CREB1: variants seen among roughly 807,000 people sequenced by gnomAD.
CREB1 encodes the protein cyclic AMP-responsive element-binding protein 1.
CREB1 carries 2 observed loss-of-function variants against 42.0 expected under a neutral mutation model. The observed-to-expected ratio is 0.05, with a 90% CI of 0.02 to 0.15. CREB1 has a LOEUF of 0.15. CREB1 is among the 10% of genes least tolerant of loss of function. The pLI is 1.00. For missense variants in CREB1, 199 were observed against 388.9 expected (o/e 0.51, Z 4.11); for synonymous variants, 123 against 139.9 (o/e 0.88, Z 0.85).
intron 7 of CREB1, among the ~76,000 whole-genome samples, chr2:207,590,311 TC>T (rs765839752): frequency 2.1e-4 from 32 of 151,944 alleles, no homozygotes; most frequent in Non-Finnish European, 4.7e-4. Flanking sequence ...TTTTTGTCTT[TC>T]CTCTCTCTCT....
chr2:207,540,492 T>C (rs905291591), intron 1 of CREB1, among the ~76,000 whole-genome samples: 7 of 151,410 alleles, frequency 4.6e-5, no homozygotes, highest in Non-Finnish European at 1.0e-4. Context: ...ATACAAAAAT[T>C]AATTAACTGG....
At position 207,599,437 on chromosome 2, in the gene CREB1, C is replaced by A. The variant is rs755833552; in HGVS notation, c.*2379C>A. On this transcript the variant is annotated 3_prime_UTR_variant, in exon 8 of 8. Coordinates refer to ENST00000353267, the MANE Select transcript of CREB1 (RefSeq NM_004379.5). Reference sequence around the variant, plus strand: ...TAAAGCTTTTTTTCAAAAGTTCAGGCTTTCTACTTACTGGGAAGTTGGTGG... The same window carrying A: ...TAAAGCTTTTTTTCAAAAGTTCAGGATTTCTACTTACTGGGAAGTTGGTGG... The A allele has an allele frequency of 1.3e-4, 25 of 198,848 alleles. No individual in the cohort carries two copies. The highest frequency in any genetic ancestry group is 2.4e-4 in the Non-Finnish European group (23 of 96,386). 12.3% of individuals were successfully genotyped at this position (198,848 alleles called of 1,614,324 possible).
intron 1 of CREB1, among the ~76,000 whole-genome samples, chr2:207,542,631 C>A (rs907659136): frequency 2.0e-5 from 3 of 152,210 alleles, no homozygotes; most frequent in South Asian, 4.1e-4. Flanking sequence ...GATGGTGTCT[C>A]TTGAAGCACA....
At chr2:207,534,393 C>T (rs1333190311) in intron 1 of CREB1, among the ~76,000 whole-genome samples, 4 of 152,166 alleles carry the variant, frequency 2.6e-5, no homozygotes, top group African/African-American at 9.7e-5. Context: ...TGCACCACCA[C>T]GCCCGGCTAA....
chr2:207,538,945 C>T (rs1244729264), intron 1 of CREB1, among the ~76,000 whole-genome samples: 1 of 151,984 alleles, frequency 6.6e-6, no homozygotes, highest in Non-Finnish European at 1.5e-5. Flanking sequence ...GCTGTTATCC[C>T]TGTTGGTATA....
chr2:207,570,367 G>A, intron 5 of CREB1, 46 bp downstream of exon 5: 2 of 1,522,486 alleles, frequency 1.3e-6, no homozygotes, highest in Non-Finnish European at 1.8e-6. Context: ...AGAAAAAAGT[G>A]AGGAGAAAAA....
chr2:207,533,711 T>G lies in CREB1; in HGVS notation c.-9+3577T>G, dbSNP rs1390598143. On this transcript the variant is annotated intron_variant, in intron 1 of 7. Coordinates refer to ENST00000353267, the MANE Select transcript of CREB1 (RefSeq NM_004379.5). ...CAAGATGGAAAAATGCAGGATTTTT[T>G]TTTTTCTTACCCATGTGTAAACTCA... Among the ~76,000 whole-genome samples the G allele has an allele frequency of 2.0e-5, 3 of 152,168 alleles. No homozygotes were observed. In the East Asian group the frequency reaches 5.8e-4, roughly 29 times the overall value.
intron 1 of CREB1, among the ~76,000 whole-genome samples, chr2:207,541,964 T>C (rs1227784181): frequency 6.6e-6 from 1 of 152,228 alleles, no homozygotes; most frequent in African/African-American, 2.4e-5. Flanking sequence ...ATGTCCATTG[T>C]GATGAGCTGC....
intron 3 of CREB1, among the ~76,000 whole-genome samples, chr2:207,566,781 A>G (rs2082157131): frequency 6.6e-6 from 1 of 152,216 alleles, no homozygotes; most frequent in Admixed American, 6.5e-5. Flanking sequence ...TAAATGCATT[A>G]GCATAACACC....
intron 7 of CREB1, chr2:207,577,920 G>C (rs1331325338): frequency 2.3e-6 from 1 of 430,260 alleles, no homozygotes; most frequent in Non-Finnish European, 4.3e-6. Flanking sequence ...ACTTCCCTAT[G>C]TCTGCACTCC....
At chr2:207,545,817 T>G (rs2081282893) in intron 1 of CREB1, among the ~76,000 whole-genome samples, 1 of 150,560 alleles carries the variant, frequency 6.6e-6, no homozygotes, top group African/African-American at 2.5e-5. Flanking sequence ...CACTGCAACC[T>G]CTGCCTCCTA....
chr2:207,581,260 T>C (rs1451973946), intron 7 of CREB1: 1 of 200,164 alleles, frequency 5.0e-6, no homozygotes, highest in Non-Finnish European at 1.0e-5. Context: ...TCTTAGAAAA[T>C]GGATAGGGTA....
At chr2:207,563,532 C>A (rs890099608) in intron 3 of CREB1, among the ~76,000 whole-genome samples, 1 of 152,158 alleles carries the variant, frequency 6.6e-6, no homozygotes, top group African/African-American at 2.4e-5. Context: ...AGTAAGCATA[C>A]CTCAAATGCA....
At chr2:207,563,153 G>C (rs2082016142) in intron 3 of CREB1, among the ~76,000 whole-genome samples, 1 of 152,096 alleles carries the variant, frequency 6.6e-6, no homozygotes, top group African/African-American at 2.4e-5. Context: ...AGGAGGCTAA[G>C]GCATGCAGAT....
At chr2:207,534,395 C>A (rs2080780843) in intron 1 of CREB1, among the ~76,000 whole-genome samples, 1 of 152,182 alleles carries the variant, frequency 6.6e-6, no homozygotes, top group Non-Finnish European at 1.5e-5. Flanking sequence ...CACCACCACG[C>A]CCGGCTAATT....
rs12999688 is a variant in CREB1, at chr2:207,603,035, C to T, written c.*5977C>T. The T allele has an allele frequency of 7.9e-3, 1,693 of 213,772 alleles. 7 individuals are homozygous for T. The highest frequency in any genetic ancestry group is 0.012 in the Non-Finnish European group (1,319 of 105,872). The allele number at this position is 213,772 out of a possible 1,614,324, so 13.2% of individuals were successfully genotyped here. ...TAAAGAAGACTTCCCCCACAACTGT[C>T]AGCACAAAACAGGGTATTGATTTTT... On this transcript the variant is annotated 3_prime_UTR_variant, in exon 8 of 8. Transcript: ENST00000353267.
intron 1 of CREB1, among the ~76,000 whole-genome samples, chr2:207,530,908 G>A (rs1198503331): frequency 6.6e-6 from 1 of 150,846 alleles, no homozygotes; most frequent in Non-Finnish European, 1.5e-5. Flanking sequence ...GCCCTGTGTT[G>A]CTTAGTTGAG....
At chr2:207,560,993 GT>G in intron 3 of CREB1, 1 of 801,328 alleles carries the variant, frequency 1.2e-6, no homozygotes, top group Non-Finnish European at 2.1e-6. Context: ...TGACTACTCT[GT>G]TTAACTGTAG....
intron 2 of CREB1, chr2:207,559,243 G>A: frequency 2.1e-6 from 2 of 939,912 alleles, no homozygotes; most frequent in Non-Finnish European, 2.5e-6. Context: ...TTGAAATTCT[G>A]TGACTCTTCC....
Sources: allele counts gnomAD v4.1 joint callset (sites outside exome capture counted in the v4.1 genomes callset), GRCh38; gene constraint gnomAD v4.1.1; transcripts MANE v1.5; gene names NCBI Gene and HGNC (gene_info 2026-07-23, HGNC 2026-07-21).